IQCE: variants seen among roughly 807,000 people sequenced by gnomAD.
IQCE encodes IQ domain-containing protein E.
A neutral mutation model predicts 96.0 loss-of-function variants in IQCE; 115 were observed. The ratio of observed to expected loss-of-function variants is 1.20; its 90% CI spans 1.03 to 1.40. The LOEUF is 1.40. Among genes scored for constraint, IQCE ranks in the 40% most tolerant of loss-of-function variants. The pLI, the probability that IQCE is intolerant of heterozygous loss-of-function variation, is 0.00. For synonymous variants in IQCE, 412 were observed against 371.2 expected (o/e 1.11, Z -1.26); for missense variants, 1,041 against 909.1 (o/e 1.15, Z -1.87).
Position 2,607,546 on chromosome 7 carries a change from T to C in IQCE, c.1969+319T>C, listed in dbSNP as rs912151769. 29 of 1,269,736 alleles carry C rather than the reference T, an allele frequency of 2.3e-5. No homozygotes were observed. The African/African-American group carries it at 4.0e-4, about 18-fold the overall frequency. The allele number at this position is 1,269,736 out of a possible 1,614,324, so 78.7% of individuals were successfully genotyped here. On this transcript the variant is annotated intron_variant, in intron 21 of 21. Transcript: ENST00000402050. ...CCTGTTTGTTTGTTGAGTAAAACCG[T>C]GTTATTGTTTCCTTTTCTACTTTGT...
rs13232059 is a variant in IQCE, at chr7:2,611,144, C to G, written c.*982C>G. ...TGGGCTGGGCTGGGCTGGGCTGGGC[C>G]GGGCGTGCGGAGCCTGTGGAGCCAG... On this transcript the variant is annotated 3_prime_UTR_variant, in exon 22 of 22. Transcript: ENST00000402050. The G allele has an allele frequency of 2.3e-5, 3 of 129,170 alleles. No homozygotes were observed. Among genetic ancestry groups the G allele is most frequent in the African/African-American group, 5.7e-5 (2 of 35,380 alleles). 8.0% of individuals were successfully genotyped at this position (129,170 alleles called of 1,614,324 possible). A position where few individuals can be genotyped will look rare whatever the true frequency, so the allele number is the denominator to read the frequency against.
intron 1 of IQCE, among the ~76,000 whole-genome samples, chr7:2,564,460 G>A (rs983643885): frequency 8.0e-5 from 12 of 150,440 alleles, no homozygotes; most frequent in African/African-American, 1.7e-4. Context: ...TTATCCGGGC[G>A]TGGTGGCGGC....
chr7:2,578,463 C>G lies in IQCE; in HGVS notation c.580-13C>G. ...CCGAAGGCCGTCTTCATGTCTCAATCTGCTTACCACAGGGCACGGATTTTG... is the reference window on the plus strand; with the variant it reads ...CCGAAGGCCGTCTTCATGTCTCAATGTGCTTACCACAGGGCACGGATTTTG... On this transcript the variant is annotated splice_polypyrimidine_tract_variant and intron_variant, in intron 7 of 21. Transcript: ENST00000402050. The G allele has an allele frequency of 6.2e-7, 1 of 1,614,134 alleles. No homozygotes were observed.
chr7:2,569,621 G>C (rs1405292287), intron 3 of IQCE, among the ~76,000 whole-genome samples: 1 of 152,146 alleles, frequency 6.6e-6, no homozygotes, highest in Non-Finnish European at 1.5e-5. Flanking sequence ...AGCAGCCCGT[G>C]TGCCGACCTT....
In IQCE at chr7:2,582,574, G is replaced by C. The variant is rs755864550; in HGVS notation, c.631-6G>C. On this transcript the variant is annotated splice_region_variant and splice_polypyrimidine_tract_variant and intron_variant, in intron 8 of 21. Transcript: ENST00000402050. Reference sequence around the variant, plus strand: ...GGCCTGCCTGATGGGCACGTTCCCCGGGCAGGTCATTAACGGGCTGAAGCA... The same window carrying C: ...GGCCTGCCTGATGGGCACGTTCCCCCGGCAGGTCATTAACGGGCTGAAGCA... The C allele has an allele frequency of 6.8e-6, 11 of 1,613,562 alleles. No individual in the cohort carries two copies. Among genetic ancestry groups the C allele is most frequent in the Non-Finnish European group, 9.3e-6 (11 of 1,179,782 alleles).
intron 18 of IQCE, 38 bp from the exon 19 acceptor site, chr7:2,604,843 C>CA (rs753533020): frequency 1.3e-6 from 2 of 1,537,588 alleles, no homozygotes; most frequent in Admixed American, 1.7e-5. Context: ...CCCGGGCACT[C>CA]ACACCCACTT....
intron 11 of IQCE, 101 bp from the exon 12 acceptor site, chr7:2,586,107 A>C: frequency 8.7e-7 from 1 of 1,149,908 alleles, no homozygotes; most frequent in Non-Finnish European, 1.2e-6. Flanking sequence ...CTCTGAGCTC[A>C]CAACCAACAG....
At chr7:2,599,264 T>C (rs1784274724) in intron 17 of IQCE, among the ~76,000 whole-genome samples, 1 of 151,910 alleles carries the variant, frequency 6.6e-6, no homozygotes, top group Non-Finnish European at 1.5e-5. Flanking sequence ...TGGCATGATC[T>C]TGGCTCACTC....
intron 15 of IQCE, among the ~76,000 whole-genome samples, chr7:2,594,566 T>C (rs1241574187): frequency 2.0e-5 from 3 of 152,260 alleles, no homozygotes; most frequent in South Asian, 2.1e-4. Flanking sequence ...TACTTACTTA[T>C]CATTCACACA....
At position 2,584,254 on chromosome 7, in the gene IQCE, C is replaced by T. The variant is rs1027849057; in HGVS notation, c.793C>T (p.Leu265Phe). The T allele has an allele frequency of 6.2e-7, 1 of 1,614,088 alleles. No homozygotes were observed. Among genetic ancestry groups the T allele is most frequent in the South Asian group, 1.1e-5 (1 of 91,078 alleles). ...YYEEVHRLQTLLASSETTGKK... is the reference protein window; with the variant it reads ...YYEEVHRLQTFLASSETTGKK... ...TTTACAGGTGCATCGTCTCCAGACCCTCTTGGCAAGTTCTGAAACCACCGG... is the reference window on the plus strand; with the variant it reads ...TTTACAGGTGCATCGTCTCCAGACCTTCTTGGCAAGTTCTGAAACCACCGG... The change falls in exon 11 of 22, where the codon CTC (leucine) becomes TTC (phenylalanine). Residue 265 changes from leucine to phenylalanine, a missense_variant. Coordinates refer to ENST00000402050, the MANE Select transcript of IQCE (RefSeq NM_152558.5).
At chr7:2,596,926 G>C (rs766034418) in intron 16 of IQCE, 2 of 464,838 alleles carry the variant, frequency 4.3e-6, no homozygotes, top group South Asian at 3.1e-5. Flanking sequence ...ACAGCTGGCT[G>C]TGTGGATGTA....
intron 6 of IQCE, among the ~76,000 whole-genome samples, chr7:2,577,275 G>C (rs771590732): frequency 2.3e-4 from 35 of 151,986 alleles, no homozygotes; most frequent in Non-Finnish European, 3.4e-4. Flanking sequence ...TGTGTGCGGT[G>C]TGTGCGCAGT....
At chr7:2,605,844 C>A in intron 19 of IQCE, 32 bp from the exon 20 acceptor site, 1 of 1,518,896 alleles carries the variant, frequency 6.6e-7, no homozygotes, top group Non-Finnish European at 8.9e-7. Context: ...GGCTGCCAAA[C>A]AGTCGTCTTC....
intron 15 of IQCE, 33 bp downstream of exon 15, chr7:2,593,159 C>T (rs1419178221): frequency 6.3e-7 from 1 of 1,585,844 alleles, no homozygotes; most frequent in South Asian, 1.1e-5. Context: ...GGAGAGGACC[C>T]AGGCGAGTCC....
chr7:2,574,706 A>G (rs1781991868), intron 6 of IQCE, among the ~76,000 whole-genome samples: 1 of 152,076 alleles, frequency 6.6e-6, no homozygotes, highest in Non-Finnish European at 1.5e-5. Context: ...TCAAGTCTTG[A>G]GTTGTTTTTT....
At chr7:2,586,456 G>C in intron 12 of IQCE, 85 bp downstream of exon 12, 1 of 1,379,622 alleles carries the variant, frequency 7.2e-7, no homozygotes, top group Non-Finnish European at 9.9e-7. Flanking sequence ...GCCCAACTGA[G>C]GACAGGCACC....
At chr7:2,563,374 G>GTT (rs199527869) in intron 1 of IQCE, among the ~76,000 whole-genome samples, 14,188 of 106,528 alleles carry the variant, frequency 0.13, 1,496 homozygotes, top group African/African-American at 0.38. Flanking sequence ...TTAATTTTTT[G>GTT]TTGTGTGTGT....
intron 16 of IQCE, chr7:2,596,829 C>T (rs1317140427): frequency 5.0e-6 from 2 of 398,252 alleles, no homozygotes; most frequent in Non-Finnish European, 1.1e-5. Flanking sequence ...TGAGGCTCTT[C>T]TTAGGGTTAC....
intron 14 of IQCE, among the ~76,000 whole-genome samples, chr7:2,591,128 C>T (rs1033755395): frequency 6.6e-6 from 1 of 151,960 alleles, no homozygotes; most frequent in Non-Finnish European, 1.5e-5. Context: ...TGGTTGAAGC[C>T]TGTAATCCCG....
Sources: allele counts gnomAD v4.1 joint callset (sites outside exome capture counted in the v4.1 genomes callset), GRCh38; gene constraint gnomAD v4.1.1; transcripts MANE v1.5; gene names NCBI Gene and HGNC (gene_info 2026-07-23, HGNC 2026-07-21).